Variants in WDR7 observed in about 807,000 individuals in gnomAD.
WDR7 encodes the protein WD repeat-containing protein 7.
A neutral mutation model predicts 169.4 loss-of-function variants in WDR7; 46 were observed. The ratio of observed to expected loss-of-function variants is 0.27; its 90% CI spans 0.21 to 0.35. WDR7 has a LOEUF of 0.35. Ranked by LOEUF, WDR7 falls within the 10% of genes least tolerant of loss-of-function variation. WDR7 has a pLI of 1.00. For synonymous variants in WDR7, 612 were observed against 666.8 expected, an observed-to-expected ratio of 0.92 and a Z score of 1.27; for missense variants, 1,534 against 1,859.3, an observed-to-expected ratio of 0.83 and a Z score of 3.22.
intron 1 of WDR7, among the ~76,000 whole-genome samples, chr18:56,666,445 A>G (rs1401070353): frequency 1.9e-4 from 28 of 151,230 alleles, no homozygotes; most frequent in Admixed American, 1.8e-3. Context: ...CAGGTGATCC[A>G]CCCACTTTGG....
At chr18:56,852,869 A>G (rs1009954532) in intron 20 of WDR7, among the ~76,000 whole-genome samples, 9 of 152,192 alleles carry the variant, frequency 5.9e-5, no homozygotes, top group South Asian at 2.1e-4. Context: ...GTACTTCAGC[A>G]TGTTTTAAAA....
chr18:57,023,279 T>C (rs575191335), intron 27 of WDR7, among the ~76,000 whole-genome samples: 1 of 152,276 alleles, frequency 6.6e-6, no homozygotes, highest in Non-Finnish European at 1.5e-5. Flanking sequence ...TTCGTTGTAA[T>C]GATGTATCAG....
At position 57,028,382 on chromosome 18, in the gene WDR7, A is replaced by T. The variant is rs1403127620; in HGVS notation, c.*1175A>T. The T allele has an allele frequency of 6.6e-6, 1 of 152,148 alleles. No individual in the cohort carries two copies. Among genetic ancestry groups the T allele is most frequent in the Non-Finnish European group, 1.5e-5 (1 of 68,024 alleles). 9.4% of individuals were successfully genotyped at this position (152,148 alleles called of 1,614,324 possible). On this transcript the variant is annotated 3_prime_UTR_variant, in exon 28 of 28. Coordinates refer to ENST00000254442, the MANE Select transcript of WDR7 (RefSeq NM_015285.3). ...GCTTTAACTAGACCACTTTCTTCTT[A>T]TGTCAGATTGTGCTGGTTCTAGCTC...
intron 5 of WDR7, among the ~76,000 whole-genome samples, chr18:56,683,820 G>A (rs886894185): frequency 4.6e-5 from 7 of 152,132 alleles, no homozygotes; most frequent in African/African-American, 1.7e-4. Flanking sequence ...TAACCTCTTA[G>A]GGTAGGAAAA....
rs537191347 is a variant in WDR7, at chr18:57,007,464, A to G, written c.4165-13281A>G. ...GTTTTGAGTTGGCAAGTATTTGTAG[A>G]TTAAAATGTTAAATTTAATTCAAAT... On this transcript the variant is annotated intron_variant, in intron 26 of 27. Transcript: ENST00000254442. Among the ~76,000 whole-genome samples the G allele has an allele frequency of 4.6e-5, 7 of 152,338 alleles. No individual in the cohort carries two copies. In the East Asian group the frequency reaches 1.2e-3, roughly 25 times the overall value.
At chr18:56,953,856 T>C (rs1057295246) in intron 25 of WDR7, among the ~76,000 whole-genome samples, 2 of 152,240 alleles carry the variant, frequency 1.3e-5, no homozygotes. Flanking sequence ...AGAATGACTC[T>C]CATTGAACGA....
chr18:56,835,626 T>C (rs1347909349), intron 20 of WDR7, among the ~76,000 whole-genome samples: 1 of 152,212 alleles, frequency 6.6e-6, no homozygotes, highest in Non-Finnish European at 1.5e-5. Context: ...CTCAACAGTA[T>C]GTGAAACTCA....
At chr18:56,710,003 G>GTTTTTTTTTTT (rs74182155) in intron 12 of WDR7, among the ~76,000 whole-genome samples, 1 of 128,678 alleles carries the variant, frequency 7.8e-6, no homozygotes, top group African/African-American at 2.9e-5. Context: ...TATATATATA[G>GTTTTTTTTTTT]TTGTTTTTTT....
intron 26 of WDR7, among the ~76,000 whole-genome samples, chr18:57,014,422 T>C (rs1029144720): frequency 1.5e-4 from 22 of 151,150 alleles, no homozygotes; most frequent in African/African-American, 5.3e-4. Flanking sequence ...TTTGGGAGGC[T>C]GAGGTGGGTG....
chr18:56,841,302 G>A (rs1223640820), intron 20 of WDR7, among the ~76,000 whole-genome samples: 1 of 152,058 alleles, frequency 6.6e-6, no homozygotes, highest in African/African-American at 2.4e-5. Context: ...AGCATTTTGG[G>A]AGGCTGAGGC....
At chr18:56,844,562 G>A (rs1452999728) in intron 20 of WDR7, among the ~76,000 whole-genome samples, 1 of 152,158 alleles carries the variant, frequency 6.6e-6, no homozygotes, top group Non-Finnish European at 1.5e-5. Context: ...ATACTTTTGA[G>A]CTTAAGCTTT....
chr18:56,697,288 A>G (rs1276117693), intron 12 of WDR7, among the ~76,000 whole-genome samples: 1 of 152,218 alleles, frequency 6.6e-6, no homozygotes, highest in Non-Finnish European at 1.5e-5. Context: ...AGTATCTACA[A>G]GATATCTCAT....
chr18:56,962,734 TCATAAGAGA>T (rs1417967074), intron 26 of WDR7, among the ~76,000 whole-genome samples: 6 of 152,296 alleles, frequency 3.9e-5, no homozygotes, highest in Non-Finnish European at 8.8e-5. Context: ...ACAGAAGAGT[TCATAAGAGA>T]GCCCAGAGTA....
At chr18:56,979,509 G>A (rs1178395583) in intron 26 of WDR7, among the ~76,000 whole-genome samples, 1 of 152,112 alleles carries the variant, frequency 6.6e-6, no homozygotes, top group Non-Finnish European at 1.5e-5. Context: ...TAGAAAATGT[G>A]CTTAAGGAAG....
chr18:56,856,920 G>A (rs1008203877), intron 20 of WDR7, among the ~76,000 whole-genome samples: 11 of 152,184 alleles, frequency 7.2e-5, no homozygotes, highest in Admixed American at 5.9e-4. Flanking sequence ...AAATTATTAT[G>A]TTTAAAATAT....
intron 2 of WDR7, among the ~76,000 whole-genome samples, chr18:56,677,274 T>C: frequency 6.6e-6 from 1 of 152,206 alleles, no homozygotes; most frequent in East Asian, 1.9e-4. Flanking sequence ...TTTGGTACTT[T>C]AAATATGTCA....
chr18:56,907,742 A>C (rs988284205), intron 21 of WDR7, among the ~76,000 whole-genome samples: 1 of 152,174 alleles, frequency 6.6e-6, no homozygotes, highest in Non-Finnish European at 1.5e-5. Context: ...CCTGTTCCTC[A>C]TGGATGGTGC....
At chr18:56,658,961 C>T (rs1426337741) in intron 1 of WDR7, among the ~76,000 whole-genome samples, 1 of 152,072 alleles carries the variant, frequency 6.6e-6, no homozygotes, top group Non-Finnish European at 1.5e-5. Flanking sequence ...TGTGATCTGC[C>T]AGCTTTGGCC....
intron 25 of WDR7, among the ~76,000 whole-genome samples, chr18:56,952,369 C>T (rs780169816): frequency 2.0e-5 from 3 of 152,330 alleles, no homozygotes; most frequent in East Asian, 1.9e-4. Context: ...AAAATTTTTG[C>T]GTAGCAGCTA....
Sources: gnomAD v4.1 joint callset for allele counts (sites outside exome capture counted in the v4.1 genomes callset) on GRCh38, gnomAD v4.1.1 for gene constraint, MANE v1.5 for transcripts, NCBI Gene and HGNC (gene_info 2026-07-23, HGNC 2026-07-21) for gene names.